ZRANB3: variants seen among roughly 807,000 people sequenced by gnomAD.
The protein encoded by ZRANB3 is zinc finger RANBP2-type containing 3.
Under a neutral mutation model 133.8 loss-of-function variants are expected in ZRANB3, and 125 were observed. That is an observed-to-expected ratio of 0.93 (90% CI 0.81 to 1.08). ZRANB3 has a LOEUF of 1.08. Ranked by LOEUF, ZRANB3 falls within the 50% of genes least tolerant of loss-of-function variation. The pLI is 0.00. For missense variants in ZRANB3, 1,229 were observed against 1,275.5 expected (o/e 0.96, Z 0.56); for synonymous variants, 387 against 432.7 (o/e 0.89, Z 1.31).
chr2:135,224,602 G>A (rs1573705144), intron 14 of ZRANB3, 85 bp from the exon 15 acceptor site: 2 of 848,982 alleles, frequency 2.4e-6, no homozygotes, highest in Non-Finnish European at 3.6e-6. Context: ...AGGTTAGAAC[G>A]ATGAAATAGC....
intron 2 of ZRANB3, among the ~76,000 whole-genome samples, chr2:135,408,391 T>C (rs936290914): frequency 2.0e-5 from 3 of 152,174 alleles, no homozygotes; most frequent in African/African-American, 7.2e-5. Flanking sequence ...TGTAAACTAG[T>C]TCAGCCATTG....
intron 2 of ZRANB3, among the ~76,000 whole-genome samples, chr2:135,452,232 C>T (rs1690306516): frequency 6.6e-6 from 1 of 152,230 alleles, no homozygotes; most frequent in East Asian, 1.9e-4. Flanking sequence ...ATCATGAGAA[C>T]GGCATGGAAA....
intron 12 of ZRANB3, among the ~76,000 whole-genome samples, chr2:135,234,090 T>G (rs1695172040): frequency 6.6e-6 from 1 of 152,032 alleles, no homozygotes; most frequent in South Asian, 2.1e-4. Flanking sequence ...AATAAAGGGA[T>G]GGAGGAAGAT....
intron 2 of ZRANB3, among the ~76,000 whole-genome samples, chr2:135,467,483 G>C (rs1017491945): frequency 6.6e-6 from 1 of 152,148 alleles, no homozygotes; most frequent in African/African-American, 2.4e-5. Context: ...TCTGTACTAT[G>C]CCCATCTCTG....
intron 8 of ZRANB3, among the ~76,000 whole-genome samples, chr2:135,302,832 G>C (rs1682501873): frequency 6.6e-6 from 1 of 151,896 alleles, no homozygotes; most frequent in Non-Finnish European, 1.5e-5. Context: ...CCCCAACTAG[G>C]GTTTTTTAAC....
At chr2:135,330,197 T>C (rs1558921434) in intron 6 of ZRANB3, among the ~76,000 whole-genome samples, 1 of 152,228 alleles carries the variant, frequency 6.6e-6, no homozygotes, top group Admixed American at 6.5e-5. Flanking sequence ...GGATTGATCA[T>C]AAATAGCTCT....
At chr2:135,395,586 T>C (rs1238364790) in intron 2 of ZRANB3, among the ~76,000 whole-genome samples, 1 of 151,732 alleles carries the variant, frequency 6.6e-6, no homozygotes, top group Non-Finnish European at 1.5e-5. Context: ...GCCTCCTGAG[T>C]AGCTAGGACA....
intron 2 of ZRANB3, among the ~76,000 whole-genome samples, chr2:135,461,082 AAT>A (rs1427525871): frequency 6.6e-6 from 1 of 152,228 alleles, no homozygotes; most frequent in Non-Finnish European, 1.5e-5. Context: ...ATTGGATAGC[AAT>A]AGAGAACAGG....
chr2:135,522,201 T>C (rs1390189884), intron 1 of ZRANB3, among the ~76,000 whole-genome samples: 1 of 152,230 alleles, frequency 6.6e-6, no homozygotes, highest in African/African-American at 2.4e-5. Context: ...CCGCCACTGC[T>C]ATAACATCTT....
At chr2:135,413,167 A>G (rs1223569542) in intron 2 of ZRANB3, among the ~76,000 whole-genome samples, 1 of 152,174 alleles carries the variant, frequency 6.6e-6, no homozygotes, top group Admixed American at 6.6e-5. Flanking sequence ...GACACTTCGG[A>G]TATATCCTTC....
At chr2:135,337,364 T>C (rs1300021550) in intron 6 of ZRANB3, among the ~76,000 whole-genome samples, 1 of 152,168 alleles carries the variant, frequency 6.6e-6, no homozygotes, top group African/African-American at 2.4e-5. Flanking sequence ...ATGACCAGAA[T>C]CCATCAGGGA....
At chr2:135,293,154 G>C (rs1333533016) in intron 8 of ZRANB3, among the ~76,000 whole-genome samples, 1 of 152,108 alleles carries the variant, frequency 6.6e-6, no homozygotes, top group Non-Finnish European at 1.5e-5. Context: ...AGCTTGATGG[G>C]GATGGCATTG....
chr2:135,476,458 T>A (rs1691501479), intron 2 of ZRANB3, among the ~76,000 whole-genome samples: 1 of 152,150 alleles, frequency 6.6e-6, no homozygotes, highest in East Asian at 1.9e-4. Flanking sequence ...TAGCAAAATG[T>A]TCATAATTAT....
Position 135,513,154 on chromosome 2 carries a change from G to A in ZRANB3, c.-7-8658C>T, listed in dbSNP as rs538182423. Among the ~76,000 whole-genome samples, 33 of 152,132 alleles carry A rather than the reference G, an allele frequency of 2.2e-4. No individual in the cohort carries two copies. The South Asian group carries it at 5.8e-3, about 27-fold the overall frequency. On this transcript the variant is annotated intron_variant, in intron 1 of 20. Transcript: ENST00000264159. The stretch of plus-strand genomic sequence containing the variant: ...GACTAAGACACCAAGACTAAAATGG[G>A]CTTATTTCAGGAATGCACAGCTGAT...
At chr2:135,458,419 T>A (rs1011367848) in intron 2 of ZRANB3, among the ~76,000 whole-genome samples, 2 of 151,704 alleles carry the variant, frequency 1.3e-5, no homozygotes, top group South Asian at 4.2e-4. Context: ...GCAACTGGAA[T>A]CTTGATAGCT....
chr2:135,493,640 G>A (rs1438120854), intron 2 of ZRANB3, among the ~76,000 whole-genome samples: 2 of 152,114 alleles, frequency 1.3e-5, no homozygotes, highest in Admixed American at 1.3e-4. Context: ...CATTTTGAAT[G>A]CCTAAAATAA....
chr2:135,383,975 G>A (rs575535943), intron 3 of ZRANB3, among the ~76,000 whole-genome samples: 148 of 152,148 alleles, frequency 9.7e-4, no homozygotes, highest in African/African-American at 3.5e-3. Context: ...CTAGCAGAAG[G>A]CAAGAAATAA....
intron 2 of ZRANB3, among the ~76,000 whole-genome samples, chr2:135,420,124 T>TATATATATATATAA (rs1273584306): frequency 2.2e-5 from 2 of 91,332 alleles, no homozygotes; most frequent in African/African-American, 1.4e-4. Context: ...TATATATATA[T>TATATATATATATAA]AACTTATAGA....
intron 3 of ZRANB3, among the ~76,000 whole-genome samples, chr2:135,360,381 C>CA (rs1250030100): frequency 6.6e-6 from 1 of 150,454 alleles, no homozygotes; most frequent in East Asian, 2.0e-4. Flanking sequence ...AACTCCACCT[C>CA]AAAAATAAAG....
Sources: allele counts gnomAD v4.1 joint callset (sites outside exome capture counted in the v4.1 genomes callset), GRCh38; gene constraint gnomAD v4.1.1; transcripts MANE v1.5; gene names NCBI Gene and HGNC (gene_info 2026-07-23, HGNC 2026-07-21).